Variants in ARNT2 observed in about 807,000 individuals in gnomAD.
ARNT2 encodes ARNT protein 2.
In ARNT2, 36 loss-of-function variants were observed where a neutral mutation model predicts 91.7. The ratio of observed to expected loss-of-function variants is 0.39; its 90% CI spans 0.30 to 0.52. The LOEUF is 0.52. Ranked by LOEUF, ARNT2 falls within the 20% of genes least tolerant of loss-of-function variation. The pLI, the probability that ARNT2 is intolerant of heterozygous loss-of-function variation, is 0.72. For missense variants in ARNT2, 775 were observed against 939.3 expected (o/e 0.83, Z 2.29); for synonymous variants, 365 against 347.1 (o/e 1.05, Z -0.57).
intron 17 of ARNT2, among the ~76,000 whole-genome samples, chr15:80,590,572 T>TA (rs201667648): frequency 1.5e-4 from 23 of 149,338 alleles, no homozygotes; most frequent in African/African-American, 2.7e-4. Context: ...ACCCCATCTC[T>TA]AAAAAAAAAA....
intron 1 of ARNT2, among the ~76,000 whole-genome samples, chr15:80,405,551 G>C (rs1016857241): frequency 2.6e-5 from 4 of 152,144 alleles, no homozygotes; most frequent in Non-Finnish European, 5.9e-5. Flanking sequence ...ATAGAATTAG[G>C]AATGAAAGAT....
chr15:80,542,734 A>G (rs918056891), intron 8 of ARNT2, among the ~76,000 whole-genome samples: 1 of 152,200 alleles, frequency 6.6e-6, no homozygotes, highest in Non-Finnish European at 1.5e-5. Context: ...AGTTTTAGCC[A>G]GTCAGACCCT....
intron 1 of ARNT2, chr15:80,441,173 G>A (rs1401259186): frequency 1.0e-6 from 1 of 973,734 alleles, no homozygotes; most frequent in Non-Finnish European, 1.2e-6. Context: ...CAAATAAATT[G>A]ATCAGTATGC....
intron 1 of ARNT2, among the ~76,000 whole-genome samples, chr15:80,412,467 A>T (rs1895697136): frequency 1.3e-5 from 2 of 150,894 alleles, no homozygotes; most frequent in South Asian, 2.1e-4. Flanking sequence ...ATTTTTGCGT[A>T]TATCCTTACA....
intron 5 of ARNT2, among the ~76,000 whole-genome samples, chr15:80,504,503 T>A (rs1897244376): frequency 8.3e-6 from 1 of 120,726 alleles, no homozygotes; most frequent in Admixed American, 9.2e-5. Flanking sequence ...GCACAGTGGC[T>A]CACGCCTGTA....
chr15:80,568,674 G>A (rs1272644309), intron 12 of ARNT2, among the ~76,000 whole-genome samples: 1 of 152,184 alleles, frequency 6.6e-6, no homozygotes, highest in African/African-American at 2.4e-5. Flanking sequence ...CAGTCACCAA[G>A]CCCCAGATCT....
intron 5 of ARNT2, among the ~76,000 whole-genome samples, chr15:80,478,425 G>C (rs747008962): frequency 1.3e-5 from 2 of 152,226 alleles, no homozygotes; most frequent in Non-Finnish European, 2.9e-5. Context: ...ACCACATTTG[G>C]ACAGAAATGT....
intron 2 of ARNT2, among the ~76,000 whole-genome samples, chr15:80,453,267 CA>C: frequency 6.6e-6 from 1 of 152,268 alleles, no homozygotes; most frequent in East Asian, 1.9e-4. Context: ...CAATTGCTGA[CA>C]AATCACCCAG....
chr15:80,533,607 C>T (rs1203090699), intron 8 of ARNT2, among the ~76,000 whole-genome samples: 2 of 152,164 alleles, frequency 1.3e-5, no homozygotes, highest in Non-Finnish European at 2.9e-5. Context: ...GAGAAGCCAG[C>T]CAATGAAGCA....
intron 9 of ARNT2, 93 bp from the exon 10 acceptor site, chr15:80,552,547 T>G: frequency 6.9e-7 from 1 of 1,458,092 alleles, no homozygotes; most frequent in Non-Finnish European, 9.4e-7. Context: ...ATCTTTGAAG[T>G]GAAATGCACA....
At chr15:80,484,825 C>T (rs1896943253) in intron 5 of ARNT2, among the ~76,000 whole-genome samples, 1 of 152,090 alleles carries the variant, frequency 6.6e-6, no homozygotes, top group African/African-American at 2.4e-5. Context: ...GGGGGCGGTG[C>T]ATAGGGGTGT....
At chr15:80,511,980 C>T (rs1595992262) in intron 6 of ARNT2, among the ~76,000 whole-genome samples, 3 of 152,158 alleles carry the variant, frequency 2.0e-5, no homozygotes, top group South Asian at 2.1e-4. Flanking sequence ...ATATACGGCA[C>T]GTAGCAGCAC....
chr15:80,475,559 C>CAAAACAAAAA, intron 5 of ARNT2: 1 of 91,200 alleles, frequency 1.1e-5, no homozygotes, highest in Non-Finnish European at 2.4e-5. Context: ...GACTCTGTCT[C>CAAAACAAAAA]AAAAAAAAAA....
chr15:80,489,819 G>C (rs186180450), intron 5 of ARNT2, among the ~76,000 whole-genome samples: 7 of 152,300 alleles, frequency 4.6e-5, no homozygotes, highest in South Asian at 2.1e-4. Context: ...CAGCCATGGT[G>C]GGGGGTTAAG....
rs1567002439 is a variant in ARNT2 at position 80,563,007 on chromosome 15, C to T, written c.1165-81C>T. ...AGGTCCTGCTGGCCCCTGCCGCAAC[C>T]CCACTGCCTGCAGCTTCTCCCTCCT... On this transcript the variant is annotated intron_variant, in intron 11 of 18. Coordinates refer to ENST00000303329, the MANE Select transcript of ARNT2 (RefSeq NM_014862.4). The T allele has an allele frequency of 2.6e-6, 4 of 1,530,800 alleles. No homozygotes were observed. In the South Asian group the frequency reaches 4.6e-5, roughly 18 times the overall value. 94.8% of individuals were successfully genotyped at this position (1,530,800 alleles called of 1,614,324 possible).
intron 2 of ARNT2, among the ~76,000 whole-genome samples, chr15:80,451,639 C>T (rs927544883): frequency 6.6e-6 from 1 of 152,014 alleles, no homozygotes; most frequent in Non-Finnish European, 1.5e-5. Flanking sequence ...ACCAACCAAC[C>T]AACTAACCAA....
chr15:80,573,339 T>G (rs945512030), intron 12 of ARNT2, among the ~76,000 whole-genome samples: 3 of 152,236 alleles, frequency 2.0e-5, no homozygotes, highest in South Asian at 4.1e-4. Context: ...TTTTATTTAT[T>G]TATTTATTTT....
At chr15:80,587,153 CG>C (rs955429514) in intron 17 of ARNT2, among the ~76,000 whole-genome samples, 38 of 152,168 alleles carry the variant, frequency 2.5e-4, no homozygotes, top group Non-Finnish European at 5.4e-4. Flanking sequence ...CTGTAAGGTG[CG>C]TTTTTCTTCT....
At chr15:80,533,962 C>G (rs1897781861) in intron 8 of ARNT2, among the ~76,000 whole-genome samples, 1 of 152,200 alleles carries the variant, frequency 6.6e-6, no homozygotes, top group South Asian at 2.1e-4. Context: ...ACTGTGTTTA[C>G]AGATTCTGAT....
Sources: gnomAD v4.1 joint callset for allele counts (sites outside exome capture counted in the v4.1 genomes callset) on GRCh38, gnomAD v4.1.1 for gene constraint, MANE v1.5 for transcripts, NCBI Gene and HGNC (gene_info 2026-07-23, HGNC 2026-07-21) for gene names.